DLG2: variants seen among roughly 807,000 people sequenced by gnomAD.
The protein encoded by DLG2 is disks large homolog 2.
DLG2 carries 45 observed loss-of-function variants against 132.5 expected under a neutral mutation model. The observed-to-expected ratio is 0.34, with a 90% CI of 0.27 to 0.44. The LOEUF (loss-of-function observed/expected upper bound fraction) is 0.44. Ranked by LOEUF, DLG2 falls within the 20% of genes least tolerant of loss-of-function variation. The pLI is 1.00. For synonymous variants in DLG2, 424 were observed against 419.6 expected (o/e 1.01, Z -0.13); for missense variants, 1,045 against 1,196.9 (o/e 0.87, Z 1.87).
At chr11:85,291,773 T>C (rs972017454) in intron 3 of DLG2, among the ~76,000 whole-genome samples, 2 of 151,792 alleles carry the variant, frequency 1.3e-5, no homozygotes, top group Admixed American at 6.6e-5. Flanking sequence ...TTAGTAGAGA[T>C]AGGGTTTCAC....
intron 7 of DLG2, among the ~76,000 whole-genome samples, chr11:84,335,236 G>A (rs2098478810): frequency 6.6e-6 from 1 of 151,016 alleles, no homozygotes. Context: ...AGGAATGAAG[G>A]AAGGGAAGGA....
chr11:83,947,003 T>G (rs76502940), intron 14 of DLG2, among the ~76,000 whole-genome samples: 4,931 of 152,290 alleles, frequency 0.032, 185 homozygotes, highest in African/African-American at 0.093. Context: ...GTATGAAACT[T>G]CGACAGTATA....
intron 6 of DLG2, among the ~76,000 whole-genome samples, chr11:85,030,263 T>C (rs1224021086): frequency 6.6e-6 from 1 of 152,250 alleles, no homozygotes; most frequent in African/African-American, 2.4e-5. Context: ...TGGTTGTTGC[T>C]TCACATAGGT....
At chr11:83,886,261 A>T (rs1463629770) in intron 15 of DLG2, among the ~76,000 whole-genome samples, 3 of 152,208 alleles carry the variant, frequency 2.0e-5, no homozygotes, top group Non-Finnish European at 4.4e-5. Flanking sequence ...AAGATCTACC[A>T]AGCAAATGGG....
chr11:83,496,343 C>T (rs1182992791), intron 21 of DLG2, among the ~76,000 whole-genome samples: 1 of 151,932 alleles, frequency 6.6e-6, no homozygotes, highest in African/African-American at 2.4e-5. Context: ...GGAGCCCTTG[C>T]AACTCTCATT....
At chr11:84,995,098 C>T (rs1249755983) in intron 6 of DLG2, among the ~76,000 whole-genome samples, 1 of 152,152 alleles carries the variant, frequency 6.6e-6, no homozygotes, top group Admixed American at 6.6e-5. Flanking sequence ...TTGAATAGTG[C>T]TTTCACCATT....
intron 9 of DLG2, among the ~76,000 whole-genome samples, chr11:84,107,011 T>TGCGAGAGAGA (rs375475609): frequency 9.3e-6 from 1 of 107,176 alleles, no homozygotes; most frequent in African/African-American, 3.4e-5. Context: ...TGTGTGTGTG[T>TGCGAGAGAGA]GTGAGAGAGT....
chr11:83,872,155 C>G (rs1047205484), intron 16 of DLG2, among the ~76,000 whole-genome samples: 1 of 152,044 alleles, frequency 6.6e-6, no homozygotes, highest in African/African-American at 2.4e-5. Flanking sequence ...CCCAGCTATT[C>G]GGGAGGCTGA....
chr11:84,816,964 T>C (rs1036978232), intron 6 of DLG2, among the ~76,000 whole-genome samples: 2 of 152,028 alleles, frequency 1.3e-5, no homozygotes, highest in African/African-American at 4.8e-5. Context: ...ATCTGTAAAA[T>C]AGGTATCCCA....
chr11:84,763,940 T>C (rs1407222018), intron 6 of DLG2, among the ~76,000 whole-genome samples: 1 of 152,022 alleles, frequency 6.6e-6, no homozygotes, highest in Non-Finnish European at 1.5e-5. Flanking sequence ...CCAGGGGAGA[T>C]TTTTACTTTA....
At chr11:84,918,121 A>G (rs574889256) in intron 6 of DLG2, among the ~76,000 whole-genome samples, 2 of 152,322 alleles carry the variant, frequency 1.3e-5, no homozygotes, top group South Asian at 2.1e-4. Context: ...TTCCCTTTCA[A>G]TTAGTCCACT....
chr11:84,390,357 G>A (rs935717164), intron 7 of DLG2, among the ~76,000 whole-genome samples: 1 of 152,140 alleles, frequency 6.6e-6, no homozygotes, highest in Non-Finnish European at 1.5e-5. Context: ...GCTATAAAAT[G>A]TAATGACTAC....
intron 9 of DLG2, among the ~76,000 whole-genome samples, chr11:84,134,385 G>T (rs1227630076): frequency 6.6e-6 from 1 of 152,032 alleles, no homozygotes; most frequent in South Asian, 2.1e-4. Flanking sequence ...TTTCAATTTG[G>T]GTTAAGAAGT....
intron 6 of DLG2, among the ~76,000 whole-genome samples, chr11:84,817,328 G>A (rs768596478): frequency 4.0e-5 from 6 of 151,896 alleles, no homozygotes; most frequent in Admixed American, 6.6e-5. Context: ...AAGGTGATGC[G>A]GAGTCAAAGC....
At chr11:84,543,885 A>G (rs982170790) in intron 6 of DLG2, among the ~76,000 whole-genome samples, 12 of 152,196 alleles carry the variant, frequency 7.9e-5, no homozygotes, top group African/African-American at 2.9e-4. Flanking sequence ...AGGACAAGCC[A>G]GGATGTTAAT....
At chr11:83,640,626 AT>A (rs2066223822) in intron 18 of DLG2, among the ~76,000 whole-genome samples, 1 of 152,194 alleles carries the variant, frequency 6.6e-6, no homozygotes. Flanking sequence ...CACTGAACAG[AT>A]TTTTTTCCTC....
chr11:84,187,411 T>G (rs1005654731), intron 8 of DLG2, among the ~76,000 whole-genome samples: 1 of 152,020 alleles, frequency 6.6e-6, no homozygotes, highest in African/African-American at 2.4e-5. Flanking sequence ...CTTATAAAGA[T>G]TCAGAGGTAG....
intron 6 of DLG2, among the ~76,000 whole-genome samples, chr11:84,717,534 T>C (rs909205617): frequency 3.3e-5 from 5 of 152,066 alleles, no homozygotes; most frequent in African/African-American, 4.8e-5. Context: ...AATGGAATAA[T>C]AGTATAATTT....
intron 17 of DLG2, among the ~76,000 whole-genome samples, chr11:83,810,735 T>G (rs2047046071): frequency 6.6e-6 from 1 of 152,164 alleles, no homozygotes; most frequent in African/African-American, 2.4e-5. Context: ...CAAAAGTCAT[T>G]CTTTTGTTTA....
Sources: allele counts gnomAD v4.1 joint callset (sites outside exome capture counted in the v4.1 genomes callset), GRCh38; gene constraint gnomAD v4.1.1; transcripts MANE v1.5; gene names NCBI Gene and HGNC (gene_info 2026-07-23, HGNC 2026-07-21).